RBM27: variants seen among roughly 807,000 people sequenced by gnomAD.
RBM27 encodes the protein RNA binding motif protein 27.
A neutral mutation model predicts 135.3 loss-of-function variants in RBM27; 22 were observed. That is an observed-to-expected ratio of 0.16 (90% CI 0.12 to 0.23). RBM27 has a LOEUF of 0.23. RBM27 is among the 10% of genes least tolerant of loss of function. The pLI, the probability that RBM27 is intolerant of heterozygous loss-of-function variation, is 1.00. For synonymous variants in RBM27, 481 were observed against 442.4 expected (o/e 1.09, Z -1.10); for missense variants, 1,009 against 1,281.0 (o/e 0.79, Z 3.24).
At chr5:146,237,127 C>T (rs1280845625) in intron 7 of RBM27, among the ~76,000 whole-genome samples, 171 bp from the exon 8 acceptor site, 4 of 151,922 alleles carry the variant, frequency 2.6e-5, no homozygotes, top group South Asian at 2.1e-4. Flanking sequence ...TTAGTAGAGA[C>T]GAGGTTTCTC....
intron 14 of RBM27, among the ~76,000 whole-genome samples, chr5:146,266,629 A>G: frequency 6.6e-6 from 1 of 152,164 alleles, no homozygotes; most frequent in South Asian, 2.1e-4. Flanking sequence ...TATATTATTC[A>G]AAGTTAATTA....
At chr5:146,262,149 CT>C (rs1372799948) in intron 13 of RBM27, among the ~76,000 whole-genome samples, 5 of 152,188 alleles carry the variant, frequency 3.3e-5, no homozygotes, top group African/African-American at 1.2e-4. Context: ...TGGGCTTCAG[CT>C]TCTCAAACCT....
chr5:146,256,289 A>ATTTTATATATATATTATTTATATATATAT, intron 10 of RBM27, among the ~76,000 whole-genome samples: 1 of 146,540 alleles, frequency 6.8e-6, no homozygotes, highest in Admixed American at 6.9e-5. Flanking sequence ...ATATATATAT[A>ATTTTATATATATATTATTTATATATATAT]TTTTATATAT....
Position 146,203,691 on chromosome 5 carries a change from C to A in RBM27, c.-75C>A. 1 of 1,369,324 alleles carries A rather than the reference C, an allele frequency of 7.3e-7. No homozygotes were observed. Among genetic ancestry groups the A allele is most frequent in the Non-Finnish European group, 1.0e-6 (1 of 984,344 alleles). The allele number at this position is 1,369,324 out of a possible 1,614,324, so 84.8% of individuals were successfully genotyped here. ...GGGGCACCGGGAGCTGTGAAGGGAA[C>A]GTGAGGGGGCGGCGTAGTGGAGACC... On this transcript the variant is annotated 5_prime_UTR_variant, in exon 1 of 21. Transcript: ENST00000265271.
chr5:146,228,282 CT>C (rs1043361050), intron 3 of RBM27, among the ~76,000 whole-genome samples: 1,533 of 111,836 alleles, frequency 0.014, 6 homozygotes, highest in African/African-American at 0.019. Flanking sequence ...ACCATTCTTT[CT>C]TTTTTTTTTT....
Position 146,286,193 on chromosome 5 carries a change from T to G in RBM27, c.*163T>G. The G allele has an allele frequency of 1.8e-6, 1 of 546,864 alleles. No homozygotes were observed. The highest frequency in any genetic ancestry group is 2.4e-5 in the South Asian group (1 of 40,842). 33.9% of individuals were successfully genotyped at this position (546,864 alleles called of 1,614,324 possible). On this transcript the variant is annotated 3_prime_UTR_variant, in exon 21 of 21. Transcript: ENST00000265271. ...TTGCTATTTAAACACATCTCATAACTGTACATGATATTAAAGCACCAAAGG... is the reference window on the plus strand; with the variant it reads ...TTGCTATTTAAACACATCTCATAACGGTACATGATATTAAAGCACCAAAGG...
Position 146,233,607 on chromosome 5 carries a change from GCCAGGT to G in RBM27, c.1014_1019del (p.Pro357_Gly358del), listed in dbSNP as rs1757032480. ...CTCCTGGAATGTTAATGCCTCCAAT[GCCAGGT>G]CCAGGCCCAGGCCCGGGCCCAGGTC... On this transcript the variant is annotated inframe_deletion, in exon 7 of 21. Coordinates refer to ENST00000265271, the MANE Select transcript of RBM27 (RefSeq NM_018989.2). 3.7e-6 allele frequency: 6 copies of G among 1,607,718 alleles called. No individual in the cohort carries two copies. In the African/African-American group the frequency reaches 4.0e-5, roughly 11 times the overall value.
chr5:146,204,355 G>A (rs1054474582), intron 1 of RBM27, among the ~76,000 whole-genome samples: 1 of 152,148 alleles, frequency 6.6e-6, no homozygotes, highest in Non-Finnish European at 1.5e-5. Flanking sequence ...AGTTCTGAGG[G>A]ATCAAGAATA....
At chr5:146,250,952 T>G (rs778291685) in intron 8 of RBM27, among the ~76,000 whole-genome samples, 7 of 151,952 alleles carry the variant, frequency 4.6e-5, no homozygotes, top group Non-Finnish European at 1.0e-4. Flanking sequence ...AATTTTTGTA[T>G]TTTTAGTAGA....
At chr5:146,230,512 A>T in intron 5 of RBM27, 145 bp from the exon 6 acceptor site, 1 of 836,364 alleles carries the variant, frequency 1.2e-6, no homozygotes, top group Non-Finnish European at 1.8e-6. Flanking sequence ...AGGATATATT[A>T]ATAAAGAGAG....
chr5:146,211,574 T>C (rs35935643), intron 1 of RBM27, among the ~76,000 whole-genome samples: 56,142 of 146,416 alleles, frequency 0.38, 11,092 homozygotes, highest in African/African-American at 0.49. Context: ...CTCCGCCTCC[T>C]GGGTTCAAGC....
In RBM27 at chr5:146,286,113, CA is replaced by C. The variant is rs1184958946; in HGVS notation, c.*91del. ...AATTATTTAAAAGAAGTCAATGAGC[CA>C]AAAAAAATTTTTTTATTTTTCTTTT... On this transcript the variant is annotated 3_prime_UTR_variant, in exon 21 of 21. Coordinates refer to ENST00000265271, the MANE Select transcript of RBM27 (RefSeq NM_018989.2). 1.5e-4 allele frequency: 201 copies of C among 1,307,112 alleles called. No homozygotes were observed. Among genetic ancestry groups the C allele is most frequent in the Admixed American group, 2.2e-4 (9 of 40,892 alleles). 81.0% of individuals were successfully genotyped at this position (1,307,112 alleles called of 1,614,324 possible). A position where few individuals can be genotyped will look rare whatever the true frequency, so the allele number is the denominator to read the frequency against.
intron 1 of RBM27, among the ~76,000 whole-genome samples, chr5:146,215,058 C>CT (rs111706587): frequency 9.2e-5 from 14 of 151,406 alleles, no homozygotes; most frequent in South Asian, 2.1e-4. Flanking sequence ...GGTTTCTTTT[C>CT]TTTTTTTTTG....
chr5:146,230,134 T>C (rs1756867696), intron 5 of RBM27, among the ~76,000 whole-genome samples: 1 of 152,216 alleles, frequency 6.6e-6, no homozygotes, highest in South Asian at 2.1e-4. Context: ...AGTGTATCAT[T>C]GTACATGTCT....
intron 8 of RBM27, among the ~76,000 whole-genome samples, chr5:146,239,454 CT>C (rs1191100638): frequency 3.3e-4 from 42 of 127,472 alleles, no homozygotes; most frequent in East Asian, 6.2e-4. Flanking sequence ...CTTCTAACTC[CT>C]TTTTTTTTTT....
rs545963169 is a variant in RBM27, at chr5:146,217,464, G to GTTTTTTTTTTTT, written c.60-1505_60-1494dup. Among the ~76,000 whole-genome samples, 25 of 70,770 alleles carry GTTTTTTTTTTTT rather than the reference G, an allele frequency of 3.5e-4. 3 individuals carry two copies. The highest frequency in any genetic ancestry group is 1.5e-3 in the African/African-American group (24 of 16,494). The allele number at this position is 70,770 out of a possible 152,430, so 46.4% of individuals were successfully genotyped here. On this transcript the variant is annotated intron_variant, in intron 1 of 20. Transcript: ENST00000265271. ...GATTGATACTCTTGAGCTGAAGCCT[G>GTTTTTTTTTTTT]TTTTTTTTTTTTTTTTTTTTTTTTT... is the stretch of plus-strand genomic sequence containing the variant.
chr5:146,261,439 A>C, intron 12 of RBM27, 71 bp from the exon 13 acceptor site: 1 of 1,264,534 alleles, frequency 7.9e-7, no homozygotes, highest in Admixed American at 2.0e-5. Flanking sequence ...CATTCATTAC[A>C]TAGCAGTGGG....
chr5:146,235,884 G>A lies in RBM27; in HGVS notation c.1145-1414G>A, dbSNP rs185416008. ...TTTTGGACTTTTTTGTAGAGACAGG[G>A]TTCGCCATGTTGCCCAGGCTGGTCT... is the stretch of plus-strand genomic sequence containing the variant. On this transcript the variant is annotated intron_variant, in intron 7 of 20. Coordinates refer to ENST00000265271, the MANE Select transcript of RBM27 (RefSeq NM_018989.2). 1.2e-3 allele frequency among the ~76,000 whole-genome samples: 178 copies of A among 152,018 alleles called. 2 individuals are homozygous for A. Among genetic ancestry groups the A allele is most frequent in the Admixed American group, 2.8e-3 (43 of 15,266 alleles).
chr5:146,235,677 T>G (rs949589250), intron 7 of RBM27, among the ~76,000 whole-genome samples: 2 of 152,144 alleles, frequency 1.3e-5, no homozygotes, highest in African/African-American at 4.8e-5. Flanking sequence ...TGTGATTTTT[T>G]TTTTCTTTTA....
Sources: gnomAD v4.1 joint callset for allele counts (sites outside exome capture counted in the v4.1 genomes callset) on GRCh38, gnomAD v4.1.1 for gene constraint, MANE v1.5 for transcripts, NCBI Gene and HGNC (gene_info 2026-07-23, HGNC 2026-07-21) for gene names.